The following EFCAB6 variants were observed in gnomAD, a reference collection of about 807,000 sequenced individuals.
EFCAB6 encodes EF-hand calcium-binding domain-containing protein 6.
EFCAB6 carries 156 observed loss-of-function variants against 169.8 expected under a neutral mutation model. The observed-to-expected ratio is 0.92, with a 90% CI of 0.81 to 1.05. The LOEUF (loss-of-function observed/expected upper bound fraction) is 1.05, where lower values mean the gene tolerates loss of function less well. Ranked by LOEUF, EFCAB6 falls within the 50% of genes least tolerant of loss-of-function variation. The pLI is 0.00. For synonymous variants in EFCAB6, 698 were observed against 676.4 expected, an observed-to-expected ratio of 1.03 and a Z score of -0.50; for missense variants, 1,800 against 1,829.1, an observed-to-expected ratio of 0.98 and a Z score of 0.29.
chr22:43,750,345 C>A (rs1444061718), intron 6 of EFCAB6, among the ~76,000 whole-genome samples: 3 of 152,156 alleles, frequency 2.0e-5, no homozygotes, highest in Non-Finnish European at 4.4e-5. Flanking sequence ...CATTTAGATG[C>A]ACGGAGACAC....
chr22:43,663,265 C>T (rs1282521305), intron 17 of EFCAB6, among the ~76,000 whole-genome samples: 1 of 152,180 alleles, frequency 6.6e-6, no homozygotes, highest in Middle Eastern at 3.2e-3. Flanking sequence ...ATTTCAAAGG[C>T]TTCCACAACA....
At position 43,554,918 on chromosome 22, in the gene EFCAB6, T is replaced by C. The variant is rs371326022; in HGVS notation, c.3599A>G (p.Glu1200Gly). 11 of 1,613,982 alleles carry C rather than the reference T, an allele frequency of 6.8e-6. No homozygotes were observed. Among genetic ancestry groups the C allele is most frequent in the Non-Finnish European group, 8.5e-6 (10 of 1,180,030 alleles). ...GCGGCGATTACAAATGGCCCTAAAC[T>C]CCTCTCTGGAGATGGTGTTCGTTTT... is the stretch of plus-strand genomic sequence containing the variant. ...TMKTNTISRE[E>G]FRAICNRRVQ... is the part of the protein sequence containing the mutation. The change falls in exon 27 of 32, where the codon GAG becomes GGG. Residue 1200 changes from glutamate (E) to glycine (G), a missense_variant. Physicochemically the swap from Glu to Gly is moderately conservative, Grantham distance 98. Transcript: ENST00000262726.
chr22:43,543,130 G>A (rs1437467053), intron 27 of EFCAB6, among the ~76,000 whole-genome samples: 2 of 152,204 alleles, frequency 1.3e-5, no homozygotes, highest in South Asian at 2.1e-4. Context: ...GAGCCAAGGG[G>A]AGGGACGGAA....
chr22:43,601,386 G>A (rs1317172417), intron 22 of EFCAB6, among the ~76,000 whole-genome samples: 1 of 152,254 alleles, frequency 6.6e-6, no homozygotes, highest in Admixed American at 6.5e-5. Context: ...TCATCTAATC[G>A]ATAAAAATGG....
chr22:43,760,537 T>C (rs2061127067), intron 5 of EFCAB6, among the ~76,000 whole-genome samples: 1 of 152,264 alleles, frequency 6.6e-6, no homozygotes, highest in Admixed American at 6.5e-5. Context: ...TGCCCTGTTT[T>C]TTCTCTTATA....
At chr22:43,582,810 T>C (rs2050816634) in intron 24 of EFCAB6, among the ~76,000 whole-genome samples, 1 of 152,140 alleles carries the variant, frequency 6.6e-6, no homozygotes, top group African/African-American at 2.4e-5. Context: ...GTCAAAAATA[T>C]TGAACGTTAT....
intron 24 of EFCAB6, among the ~76,000 whole-genome samples, chr22:43,582,402 C>T (rs1191513402): frequency 1.3e-5 from 2 of 151,996 alleles, no homozygotes; most frequent in Non-Finnish European, 2.9e-5. Flanking sequence ...ATAGCTCAAA[C>T]ACAATGGATC....
intron 10 of EFCAB6, among the ~76,000 whole-genome samples, chr22:43,693,134 T>C (rs1200602671): frequency 2.0e-5 from 3 of 151,970 alleles, no homozygotes; most frequent in Non-Finnish European, 4.4e-5. Flanking sequence ...TTTTAAAAGG[T>C]AGAGATTATC....
chr22:43,663,340 T>C (rs1046333539), intron 17 of EFCAB6, among the ~76,000 whole-genome samples: 1 of 152,246 alleles, frequency 6.6e-6, no homozygotes, highest in Non-Finnish European at 1.5e-5. Context: ...ACCTAAATCC[T>C]TTCTTTCTAC....
chr22:43,810,000 A>G (rs6006551), intron 1 of EFCAB6, among the ~76,000 whole-genome samples: 27,906 of 152,086 alleles, frequency 0.18, 2,602 homozygotes, highest in South Asian at 0.2. Flanking sequence ...TCTTGGGTTC[A>G]AGTGATCCTC....
At chr22:43,561,399 C>T (rs2049025463) in intron 26 of EFCAB6, among the ~76,000 whole-genome samples, 1 of 151,368 alleles carries the variant, frequency 6.6e-6, no homozygotes, top group African/African-American at 2.4e-5. Flanking sequence ...AACTTAGAAA[C>T]TACAAAAAGG....
intron 2 of EFCAB6, among the ~76,000 whole-genome samples, chr22:43,798,349 C>T (rs2062587627): frequency 1.3e-5 from 2 of 150,212 alleles, no homozygotes; most frequent in Admixed American, 1.3e-4. Context: ...GAGACTCCAT[C>T]TCAAAAAAAA....
intron 2 of EFCAB6, among the ~76,000 whole-genome samples, chr22:43,804,204 C>T (rs551490770): frequency 3.3e-5 from 5 of 152,198 alleles, no homozygotes; most frequent in African/African-American, 1.2e-4. Context: ...GGAAATTAAA[C>T]AACACACTCC....
intron 27 of EFCAB6, among the ~76,000 whole-genome samples, chr22:43,548,539 CAAAAAAAAAAAAAAAAAAA>C (rs397868076): frequency 5.4e-5 from 2 of 36,730 alleles, no homozygotes; most frequent in Non-Finnish European, 9.2e-5. Flanking sequence ...GAATCCATCT[CAAAAAAAAAAAAAAAAAAA>C]AAAAAAAAAA....
chr22:43,548,703 T>C (rs62233100), intron 27 of EFCAB6, among the ~76,000 whole-genome samples: 9,653 of 152,032 alleles, frequency 0.063, 366 homozygotes, highest in Admixed American at 0.094. Context: ...ACATCTACTA[T>C]TACAGTGAGT....
At chr22:43,801,212 C>T (rs1233810397) in intron 2 of EFCAB6, among the ~76,000 whole-genome samples, 1 of 152,074 alleles carries the variant, frequency 6.6e-6, no homozygotes, top group Non-Finnish European at 1.5e-5. Context: ...ACACTGTCAT[C>T]CAAGAATATT....
At chr22:43,656,697 T>C (rs1328191077) in intron 17 of EFCAB6, among the ~76,000 whole-genome samples, 1 of 152,038 alleles carries the variant, frequency 6.6e-6, no homozygotes, top group East Asian at 1.9e-4. Context: ...AGCTTAGGTG[T>C]GTAGGAGGCT....
chr22:43,578,904 G>A (rs77585989), intron 25 of EFCAB6, among the ~76,000 whole-genome samples: 5,733 of 127,948 alleles, frequency 0.045, 119 homozygotes, highest in African/African-American at 0.062. Context: ...CATTCCATAC[G>A]TATAGGCATC....
chr22:43,668,203 T>G (rs2057346720), intron 16 of EFCAB6, among the ~76,000 whole-genome samples: 2 of 152,212 alleles, frequency 1.3e-5, no homozygotes, highest in Non-Finnish European at 2.9e-5. Flanking sequence ...CTTAAGAACT[T>G]TTTAAAAGGG....
Sources: allele counts gnomAD v4.1 joint callset (sites outside exome capture counted in the v4.1 genomes callset), GRCh38; gene constraint gnomAD v4.1.1; transcripts MANE v1.5; gene names NCBI Gene and HGNC (gene_info 2026-07-23, HGNC 2026-07-21).